The following ADGRL3 variants were observed in gnomAD, a reference collection of about 807,000 sequenced individuals.
ADGRL3 encodes adhesion G protein-coupled receptor L3, also known as calcium-independent alpha-latrotoxin receptor 3.
ADGRL3 carries 62 observed loss-of-function variants against 153.5 expected under a neutral mutation model. The observed-to-expected ratio is 0.40, with a 90% CI of 0.33 to 0.50. ADGRL3 has a LOEUF of 0.50. ADGRL3 is among the 20% of genes least tolerant of loss of function. The pLI is 0.47. For synonymous variants in ADGRL3, 710 were observed against 672.5 expected (o/e 1.06, Z -0.86); for missense variants, 1,641 against 1,859.4 (o/e 0.88, Z 2.16).
intron 5 of ADGRL3, among the ~76,000 whole-genome samples, chr4:61,649,129 G>T (rs551075995): frequency 6.6e-6 from 1 of 151,802 alleles, no homozygotes; most frequent in Non-Finnish European, 1.5e-5. Flanking sequence ...GATATTTGCA[G>T]TTAAAATGTA....
At chr4:61,325,763 T>C (rs1265139960) in intron 1 of ADGRL3, among the ~76,000 whole-genome samples, 1 of 152,170 alleles carries the variant, frequency 6.6e-6, no homozygotes, top group African/African-American at 2.4e-5. Flanking sequence ...AGAGTAAAAA[T>C]ATGTTTAATA....
At chr4:61,322,249 C>T (rs1041057850) in intron 1 of ADGRL3, among the ~76,000 whole-genome samples, 6 of 152,180 alleles carry the variant, frequency 3.9e-5, no homozygotes, top group Non-Finnish European at 8.8e-5. Context: ...AGTCATCTCC[C>T]AACGGGTCCC....
intron 6 of ADGRL3, among the ~76,000 whole-genome samples, chr4:61,684,226 G>C (rs1028035967): frequency 6.6e-6 from 1 of 152,080 alleles, no homozygotes; most frequent in Non-Finnish European, 1.5e-5. Context: ...ATATTATTAA[G>C]AAATGTTTGT....
At chr4:61,408,726 A>C (rs987900960) in intron 2 of ADGRL3, among the ~76,000 whole-genome samples, 1 of 152,116 alleles carries the variant, frequency 6.6e-6, no homozygotes, top group African/African-American at 2.4e-5. Context: ...ATTAATATGC[A>C]TGGTTTTAGA....
chr4:61,580,496 A>G (rs1350430248), intron 4 of ADGRL3, among the ~76,000 whole-genome samples: 2 of 152,090 alleles, frequency 1.3e-5, no homozygotes, highest in East Asian at 1.9e-4. Context: ...TTCTTTAAAC[A>G]TTCTTTCAGG....
At chr4:61,794,870 T>C (rs889666855) in intron 8 of ADGRL3, among the ~76,000 whole-genome samples, 1 of 152,224 alleles carries the variant, frequency 6.6e-6, no homozygotes, top group Non-Finnish European at 1.5e-5. Flanking sequence ...TGAGCATAGA[T>C]CTTAACTGTA....
At chr4:61,441,745 A>G (rs895137480) in intron 2 of ADGRL3, among the ~76,000 whole-genome samples, 3 of 152,140 alleles carry the variant, frequency 2.0e-5, no homozygotes, top group Admixed American at 2.0e-4. Context: ...CTGACTTCAC[A>G]TGAAGTACTG....
At chr4:61,792,709 T>C (rs1361728732) in intron 8 of ADGRL3, among the ~76,000 whole-genome samples, 5 of 151,886 alleles carry the variant, frequency 3.3e-5, no homozygotes, top group Non-Finnish European at 7.4e-5. Flanking sequence ...ATGCTGGTCT[T>C]GAACTCCTGA....
intron 2 of ADGRL3, among the ~76,000 whole-genome samples, chr4:61,430,966 CAATGTCTTTG>C (rs573548219): frequency 3.7e-4 from 56 of 152,300 alleles, no homozygotes; most frequent in African/African-American, 1.3e-3. Flanking sequence ...GTTTCATAAT[CAATGTCTTTG>C]ATGTACAAAT....
chr4:61,668,430 T>C lies in ADGRL3; in HGVS notation c.474-8396T>C, dbSNP rs576462369. Among the ~76,000 whole-genome samples, 354 of 152,306 alleles carry C rather than the reference T, an allele frequency of 2.3e-3. 2 individuals carry two copies. Among genetic ancestry groups the C allele is most frequent in the Non-Finnish European group, 2.7e-3 (187 of 68,026 alleles). ...AGTTGCATTCTTTTAAGACTTTAAG[T>C]TAGTGGTAGTTTGATATAGAAGCAA... is the stretch of plus-strand genomic sequence containing the variant. On this transcript the variant is annotated intron_variant, in intron 5 of 26. Transcript: ENST00000683033.
intron 2 of ADGRL3, among the ~76,000 whole-genome samples, chr4:61,473,973 G>A (rs1444663837): frequency 6.6e-6 from 1 of 152,026 alleles, no homozygotes; most frequent in East Asian, 1.9e-4. Flanking sequence ...TCTGGACCCT[G>A]AAATGGAATT....
At chr4:61,728,316 G>A (rs2096383165) in intron 6 of ADGRL3, among the ~76,000 whole-genome samples, 2 of 151,990 alleles carry the variant, frequency 1.3e-5, no homozygotes, top group Non-Finnish European at 2.9e-5. Flanking sequence ...TTATTCTACA[G>A]CTTATGCCAA....
At chr4:61,558,869 A>G (rs1159996285) in intron 4 of ADGRL3, among the ~76,000 whole-genome samples, 1 of 152,096 alleles carries the variant, frequency 6.6e-6, no homozygotes, top group African/African-American at 2.4e-5. Context: ...CAAAGAACAT[A>G]TCTGACATAT....
chr4:61,456,357 A>ATATC (rs2097736387), intron 2 of ADGRL3, among the ~76,000 whole-genome samples: 1 of 142,788 alleles, frequency 7.0e-6, no homozygotes, highest in South Asian at 2.1e-4. Flanking sequence ...GGAGATATAT[A>ATATC]TAGAGATATA....
intron 9 of ADGRL3, among the ~76,000 whole-genome samples, chr4:61,831,955 A>T (rs1052867035): frequency 2.0e-5 from 3 of 152,108 alleles, no homozygotes; most frequent in Non-Finnish European, 4.4e-5. Flanking sequence ...AGCTTCATAT[A>T]GAAGAGCCCT....
intron 1 of ADGRL3, among the ~76,000 whole-genome samples, chr4:61,342,128 A>G (rs1459025347): frequency 6.6e-6 from 1 of 152,130 alleles, no homozygotes; most frequent in East Asian, 1.9e-4. Flanking sequence ...TGATATTTTT[A>G]TACATTTAGC....
intron 8 of ADGRL3, among the ~76,000 whole-genome samples, chr4:61,768,014 G>A (rs1184083976): frequency 1.3e-5 from 2 of 152,042 alleles, no homozygotes; most frequent in African/African-American, 2.4e-5. Flanking sequence ...AGAATAAGAC[G>A]GCCTTTTGAC....
intron 5 of ADGRL3, among the ~76,000 whole-genome samples, chr4:61,612,260 C>G (rs2091455114): frequency 6.6e-6 from 1 of 152,090 alleles, no homozygotes; most frequent in South Asian, 2.1e-4. Flanking sequence ...GTCTTTCAGC[C>G]ATGAGGTTAT....
intron 8 of ADGRL3, among the ~76,000 whole-genome samples, chr4:61,804,965 T>A (rs1490868076): frequency 6.7e-6 from 1 of 149,726 alleles, no homozygotes; most frequent in Non-Finnish European, 1.5e-5. Context: ...ATTTATTTAT[T>A]TTTTTTTTGA....
Sources: allele counts gnomAD v4.1 joint callset (sites outside exome capture counted in the v4.1 genomes callset), GRCh38; gene constraint gnomAD v4.1.1; transcripts MANE v1.5; gene names NCBI Gene and HGNC (gene_info 2026-07-23, HGNC 2026-07-21).